FRG1: variants seen among roughly 807,000 people sequenced by gnomAD.
The protein encoded by FRG1 is protein FRG1.
Under a neutral mutation model 37.0 loss-of-function variants are expected in FRG1, and 19 were observed. That is an observed-to-expected ratio of 0.51 (90% CI 0.36 to 0.75). The LOEUF is 0.75. FRG1 is among the 30% of genes least tolerant of loss of function. The probability of loss-of-function intolerance (pLI) is 0.00; values close to 1 mark genes in which losing one functional copy is unlikely to be tolerated. For synonymous variants in FRG1, 73 were observed against 96.5 expected (o/e 0.76, Z 1.43); for missense variants, 243 against 301.4 (o/e 0.81, Z 1.44).
At chr4:189,951,053 G>A (rs1041290772) in intron 2 of FRG1, among the ~76,000 whole-genome samples, 3 of 152,078 alleles carry the variant, frequency 2.0e-5, no homozygotes, top group African/African-American at 7.2e-5. Context: ...GAGGTTTGAG[G>A]ATATTTTTTA....
chr4:189,940,982 C>G lies in FRG1; in HGVS notation c.-28C>G, dbSNP rs1736259138. On this transcript the variant is annotated 5_prime_UTR_variant, in exon 1 of 9. Coordinates refer to ENST00000226798, the MANE Select transcript of FRG1 (RefSeq NM_004477.3). ...CATACTCGTCCAGAACCGGCCTCAG[C>G]CTCTCCGCGCAGAAGTTTCCCGGAG... The G allele has an allele frequency of 1.2e-6, 2 of 1,602,484 alleles. No homozygotes were observed. Among genetic ancestry groups the G allele is most frequent in the Admixed American group, 3.3e-5 (2 of 59,934 alleles).
chr4:189,961,892 G>T lies in FRG1; in HGVS notation c.700G>T (p.Ala234Ser). 4 of 1,598,524 alleles carry T rather than the reference G, an allele frequency of 2.5e-6. No individual in the cohort carries two copies. Among genetic ancestry groups the T allele is most frequent in the Non-Finnish European group, 3.4e-6 (4 of 1,173,274 alleles). ...AGAAGACAGTAAAATTCTTAAAAAG[G>T]CTCGGAAAGATGGATTTTTGCATGA... ...SKEDSKILKK[A>S]RKDGFLHETL... Residue 234 changes from alanine (A) to serine (S), a missense_variant, in exon 8 of 9, where the codon GCT becomes TCT. Ala to Ser is a moderately conservative substitution (Grantham distance 99). Transcript: ENST00000226798.
intron 2 of FRG1, 23 bp downstream of exon 2, chr4:189,943,295 A>C: frequency 1.3e-6 from 2 of 1,586,522 alleles, no homozygotes; most frequent in Middle Eastern, 3.4e-4. Flanking sequence ...TCAGTGCTCT[A>C]TTCTGAAAAA....
At chr4:189,954,013 C>G (rs1336541947) in intron 4 of FRG1, among the ~76,000 whole-genome samples, 2 of 151,634 alleles carry the variant, frequency 1.3e-5, no homozygotes, top group African/African-American at 2.4e-5. Flanking sequence ...GCACTGATGA[C>G]CCCAGTAGAA....
intron 1 of FRG1, among the ~76,000 whole-genome samples, chr4:189,941,273 C>T (rs1291110873): frequency 6.6e-6 from 1 of 152,128 alleles, no homozygotes; most frequent in African/African-American, 2.4e-5. Flanking sequence ...CGCGGACGAC[C>T]CTGGAAACAG....
intron 2 of FRG1, among the ~76,000 whole-genome samples, chr4:189,951,603 G>T (rs1736755992): frequency 6.6e-6 from 1 of 152,116 alleles, no homozygotes; most frequent in Admixed American, 6.5e-5. Flanking sequence ...GATGACTGGG[G>T]TCTATCATGA....
intron 6 of FRG1, chr4:189,959,822 T>C (rs1222492807): frequency 2.8e-5 from 27 of 951,740 alleles, no homozygotes; most frequent in East Asian, 1.2e-4. Context: ...TTTAGGACTC[T>C]TTTCCTTTAC....
At chr4:189,957,237 GT>G (rs1316508455) in intron 5 of FRG1, among the ~76,000 whole-genome samples, 160 bp from the exon 6 acceptor site, 10 of 152,104 alleles carry the variant, frequency 6.6e-5, no homozygotes, top group African/African-American at 2.4e-4. Context: ...GGTGATTTTG[GT>G]TTCTTTTCTA....
intron 4 of FRG1, 152 bp downstream of exon 4, chr4:189,953,277 T>C: frequency 1.6e-6 from 2 of 1,274,766 alleles, no homozygotes; most frequent in Non-Finnish European, 1.0e-6. Context: ...GTGATCTACT[T>C]TTAATGGATT....
chr4:189,960,603 G>A, intron 6 of FRG1, 145 bp from the exon 7 acceptor site: 2 of 950,532 alleles, frequency 2.1e-6, no homozygotes, highest in Non-Finnish European at 3.0e-6. Flanking sequence ...AAAACACATA[G>A]CCAGAACCTT....
intron 5 of FRG1, among the ~76,000 whole-genome samples, chr4:189,957,144 A>T (rs1737015507): frequency 6.6e-6 from 1 of 152,204 alleles, no homozygotes; most frequent in Non-Finnish European, 1.5e-5. Flanking sequence ...AAGCAATCCT[A>T]CCTCATCTAC....
intron 2 of FRG1, among the ~76,000 whole-genome samples, chr4:189,943,733 C>T (rs2126797766): frequency 6.6e-6 from 1 of 152,308 alleles, no homozygotes; most frequent in Non-Finnish European, 1.5e-5. Context: ...GTAAATGATA[C>T]TAGAAATAAA....
In FRG1 at chr4:189,952,282, A is replaced by G. The variant is rs1483186754; in HGVS notation, c.254A>G (p.Lys85Arg). Residue 85 changes from lysine to arginine, a missense_variant, in exon 3 of 9, where the codon AAA becomes AGA. By Grantham distance (26) the Lys-to-Arg change is conservative. Around this residue, in one of 2 missense-constraint regions of FRG1, gnomAD observed 110 missense variants for 102.2 expected, o/e 1.08. Coordinates refer to ENST00000226798, the MANE Select transcript of FRG1 (RefSeq NM_004477.3). Reference sequence around the variant, plus strand: ...CTTTTTACCCTGGGAGCTCCACACAAAGAAGGTTTGTGTCTGGAAGGGAAG... The same window carrying G: ...CTTTTTACCCTGGGAGCTCCACACAGAGAAGGTTTGTGTCTGGAAGGGAAG... ...NGLFTLGAPH[K>R]EVDEGPSPPE... 6.3e-7 allele frequency: 1 copy of G among 1,587,036 alleles called. No individual in the cohort carries two copies. Among genetic ancestry groups the G allele is most frequent in the Non-Finnish European group, 8.6e-7 (1 of 1,165,122 alleles).
chr4:189,942,476 G>T (rs1736354445), intron 1 of FRG1, among the ~76,000 whole-genome samples: 1 of 152,164 alleles, frequency 6.6e-6, no homozygotes, highest in African/African-American at 2.4e-5. Context: ...GCAACATGTG[G>T]CCTTTTGTAT....
intron 2 of FRG1, among the ~76,000 whole-genome samples, chr4:189,947,143 G>A (rs549044004): frequency 3.1e-4 from 47 of 152,352 alleles, no homozygotes; most frequent in South Asian, 2.9e-3. Context: ...TGCCCGGCCA[G>A]TTCAGTGTTC....
At chr4:189,952,396 T>C (rs1448674383) in intron 3 of FRG1, 109 bp downstream of exon 3, 60 of 1,013,584 alleles carry the variant, frequency 5.9e-5, no homozygotes, top group Middle Eastern at 3.3e-4. Context: ...AATGGAACCA[T>C]TGCATTTGAC....
intron 6 of FRG1, 53 bp from the exon 7 acceptor site, chr4:189,960,695 G>T (rs1420819311): frequency 7.2e-7 from 1 of 1,393,914 alleles, no homozygotes; most frequent in African/African-American, 1.4e-5. Flanking sequence ...CGTAAAGTGG[G>T]GAAGGTGGAA....
At chr4:189,957,885 G>A (rs1253539154) in intron 6 of FRG1, among the ~76,000 whole-genome samples, 5 of 152,084 alleles carry the variant, frequency 3.3e-5, no homozygotes, top group Non-Finnish European at 5.9e-5. Flanking sequence ...GAAGACGTAT[G>A]CCTGCCATGC....
Position 189,955,067 on chromosome 4 carries a change from T to A in FRG1, c.348T>A (p.Tyr116Ter), listed in dbSNP as rs1736924425. ...RIALKSGYGK[Y>*]LGINSDGLVV... ...CCCTGAAGTCTGGCTATGGAAAATA[T>A]CTTGGTATAAATTCAGATGGACTTG... The change falls in exon 5 of 9, where the codon TAT (tyrosine) becomes TAA (stop). Residue 116 changes from tyrosine (Y) to a stop codon, truncating the protein, a stop_gained. Transcript: ENST00000226798. LOFTEE classifies it high-confidence loss of function. The A allele has an allele frequency of 1.9e-6, 3 of 1,613,156 alleles. No homozygotes were observed. Among genetic ancestry groups the A allele is most frequent in the Non-Finnish European group, 2.5e-6 (3 of 1,179,126 alleles).
Sources: allele counts gnomAD v4.1 joint callset (sites outside exome capture counted in the v4.1 genomes callset), GRCh38; gene constraint gnomAD v4.1.1; regional missense constraint gnomAD v4.1.1; transcripts MANE v1.5; gene names NCBI Gene and HGNC (gene_info 2026-07-23, HGNC 2026-07-21).